The following CLEC2D variants were observed in gnomAD, a reference collection of about 807,000 sequenced individuals.
The protein encoded by CLEC2D is C-type lectin domain family 2 member D.
CLEC2D carries 16 observed loss-of-function variants against 20.0 expected under a neutral mutation model. That is an observed-to-expected ratio of 0.80 (90% confidence interval 0.54 to 1.22). The LOEUF is 1.22. CLEC2D is among the 50% of genes most tolerant of loss of function. CLEC2D has a pLI of 0.00. For missense variants in CLEC2D, 207 were observed against 221.5 expected, an observed-to-expected ratio of 0.93 and a Z score of 0.42; for synonymous variants, 77 against 71.1, an observed-to-expected ratio of 1.08 and a Z score of -0.42.
chr12:9,690,635 C>T (rs1323327460), intron 3 of CLEC2D, among the ~76,000 whole-genome samples: 2 of 151,792 alleles, frequency 1.3e-5, no homozygotes, highest in Non-Finnish European at 2.9e-5. Flanking sequence ...GGGATGAAGA[C>T]ATATAGGATC....
intron 1 of CLEC2D, among the ~76,000 whole-genome samples, chr12:9,678,625 G>A (rs1018567867): frequency 6.6e-6 from 1 of 152,062 alleles, no homozygotes; most frequent in African/African-American, 2.4e-5. Flanking sequence ...CTGTACCCTT[G>A]AAATCCTAGG....
intron 2 of CLEC2D, among the ~76,000 whole-genome samples, chr12:9,681,269 A>G (rs754362128): frequency 6.6e-6 from 1 of 152,294 alleles, no homozygotes; most frequent in African/African-American, 2.4e-5. Context: ...ACAGACCACT[A>G]TTCCTTAAGA....
chr12:9,697,246 C>T lies in CLEC2D; in HGVS notation c.*2372C>T, dbSNP rs1866017831. On this transcript the variant is annotated 3_prime_UTR_variant, in exon 5 of 5. Transcript: ENST00000290855. ...TTATGGGAATGAGGGCAAGGAACACCTGGCCTGCCCAGGGTGGAAAACCAC... is the reference window on the plus strand; with the variant it reads ...TTATGGGAATGAGGGCAAGGAACACTTGGCCTGCCCAGGGTGGAAAACCAC... 6.6e-6 allele frequency: 1 copy of T among 152,120 alleles called. No homozygotes were observed. The highest frequency in any genetic ancestry group is 2.4e-5 in the African/African-American group (1 of 41,414). 9.4% of individuals were successfully genotyped at this position (152,120 alleles called of 1,614,324 possible).
chr12:9,680,783 G>C (rs1267965853), intron 1 of CLEC2D, 140 bp from the exon 2 acceptor site: 13 of 541,550 alleles, frequency 2.4e-5, no homozygotes, highest in Non-Finnish European at 4.3e-5. Flanking sequence ...AGAATAGTAA[G>C]TTCATAAGAT....
chr12:9,693,485 T>C (rs1591704469), intron 4 of CLEC2D: 1 of 180,352 alleles, frequency 5.5e-6, no homozygotes, highest in African/African-American at 2.4e-5. Context: ...TCACTCAATG[T>C]TTGTCTGAGA....
intron 1 of CLEC2D, among the ~76,000 whole-genome samples, chr12:9,674,843 A>G (rs1004235085): frequency 3.3e-5 from 5 of 152,124 alleles, no homozygotes; most frequent in African/African-American, 9.7e-5. Context: ...TCTTTCTTTC[A>G]TGGATTGTGC....
chr12:9,689,912 G>A (rs1865828747), intron 3 of CLEC2D, among the ~76,000 whole-genome samples: 1 of 152,008 alleles, frequency 6.6e-6, no homozygotes, highest in African/African-American at 2.4e-5. Context: ...AGAAATCCAG[G>A]AAAGAGAAGA....
rs2217230 is a variant in CLEC2D at position 9,676,028 on chromosome 12, C to A, written c.62-4895C>A. ...TATCAGTAACCTTGCATGTCAGTTCCCAAAATTGTCAATTATTTTGGATTT... is the reference window on the plus strand; with the variant it reads ...TATCAGTAACCTTGCATGTCAGTTCACAAAATTGTCAATTATTTTGGATTT... On this transcript the variant is annotated intron_variant, in intron 1 of 4. Transcript: ENST00000290855. Among the ~76,000 whole-genome samples the A allele has an allele frequency of 4.0e-3, 612 of 152,260 alleles. 7 individuals are homozygous for A. The highest frequency in any genetic ancestry group is 0.013 in the African/African-American group (524 of 41,554).
chr12:9,686,051 A>C (rs746941490), intron 2 of CLEC2D, among the ~76,000 whole-genome samples: 1 of 152,012 alleles, frequency 6.6e-6, no homozygotes, highest in Non-Finnish European at 1.5e-5. Flanking sequence ...TATCTGGGCC[A>C]GATAGCACCT....
At chr12:9,670,539 T>G (rs1865396020) in intron 1 of CLEC2D, among the ~76,000 whole-genome samples, 1 of 152,224 alleles carries the variant, frequency 6.6e-6, no homozygotes. Flanking sequence ...TTTAAACTGT[T>G]TGTCGGATAG....
chr12:9,690,401 G>A (rs535434439), intron 3 of CLEC2D, among the ~76,000 whole-genome samples: 5 of 151,990 alleles, frequency 3.3e-5, no homozygotes, highest in Non-Finnish European at 5.9e-5. Context: ...ACACTAGACA[G>A]CAATTCAGAG....
At position 9,697,709 on chromosome 12, in the gene CLEC2D, T is replaced by C. The variant is rs1218339902; in HGVS notation, c.*2835T>C. The C allele has an allele frequency of 1.0e-5, 1 of 96,254 alleles. No homozygotes were observed. The highest frequency in any genetic ancestry group is 2.2e-5 in the Non-Finnish European group (1 of 46,208). The allele number at this position is 96,254 out of a possible 1,614,324, so 6.0% of individuals were successfully genotyped here. A position where few individuals can be genotyped will look rare whatever the true frequency, so the allele number is the denominator to read the frequency against. On this transcript the variant is annotated 3_prime_UTR_variant, in exon 5 of 5. Coordinates refer to ENST00000290855, the MANE Select transcript of CLEC2D (RefSeq NM_013269.6). ...AAAAAATGTTGCATGATCTCACTTA[T>C]AGTGAAACTTAAAAAAAAAACCCAA...
intron 2 of CLEC2D, among the ~76,000 whole-genome samples, chr12:9,682,940 T>G (rs1865665876): frequency 6.6e-6 from 1 of 152,226 alleles, no homozygotes; most frequent in Admixed American, 6.5e-5. Context: ...CCAAAATGGT[T>G]GAACTAATTT....
intron 3 of CLEC2D, among the ~76,000 whole-genome samples, chr12:9,690,551 A>G (rs1220088906): frequency 6.6e-6 from 1 of 152,082 alleles, no homozygotes; most frequent in Non-Finnish European, 1.5e-5. Context: ...TCATAGGCAA[A>G]TGAATAAAAA....
chr12:9,672,487 C>T (rs1354843306), intron 1 of CLEC2D, among the ~76,000 whole-genome samples: 2 of 152,186 alleles, frequency 1.3e-5, no homozygotes, highest in African/African-American at 4.8e-5. Context: ...TGACCTTTCT[C>T]CCTGGCTGCC....
intron 2 of CLEC2D, among the ~76,000 whole-genome samples, chr12:9,684,268 T>G (rs1487886824): frequency 1.3e-5 from 2 of 152,140 alleles, no homozygotes; most frequent in Non-Finnish European, 2.9e-5. Context: ...GCTTAATAAG[T>G]TTTAAGGGGA....
At position 9,692,831 on chromosome 12, in the gene CLEC2D, T is replaced by C. The variant is rs1230968603; in HGVS notation, c.361T>C (p.Phe121Leu). 1 of 1,604,218 alleles carries C rather than the reference T, an allele frequency of 6.2e-7. No individual in the cohort carries two copies. Among genetic ancestry groups the C allele is most frequent in the Non-Finnish European group, 8.5e-7 (1 of 1,175,172 alleles). Residue 121 changes from phenylalanine to leucine, a missense_variant, in exon 4 of 5, where the codon TTC (phenylalanine) becomes CTC (leucine). Transcript: ENST00000290855. ...TCATCTCTGTGTTTTCTGAAAGAAT[T>C]TCCTGTTGAGATATAAAGGCCCATC... ...AQVESFQELN[F>L]LLRYKGPSDH...
Position 9,696,543 on chromosome 12 carries a change from TAAAGTAAA to T in CLEC2D, c.*1673_*1680del, listed in dbSNP as rs1261568634. ...CGTGAAATAAAACTCAGTATTTTAA[TAAAGTAAA>T]AAAAAAAAAAAAGGTATGGGGAAAA... On this transcript the variant is annotated 3_prime_UTR_variant, in exon 5 of 5. Transcript: ENST00000290855. 54 of 119,512 alleles carry T rather than the reference TAAAGTAAA, an allele frequency of 4.5e-4. No individual in the cohort carries two copies. Among genetic ancestry groups the T allele is most frequent in the East Asian group, 1.1e-3 (10 of 9,276 alleles). The allele number at this position is 119,512 out of a possible 1,614,324, so 7.4% of individuals were successfully genotyped here.
chr12:9,695,327 C>A lies in CLEC2D; in HGVS notation c.*453C>A. The stretch of plus-strand genomic sequence containing the variant: ...CGTCCTGCGCGGCTGTTCTCTGGAG[C>A]AGCATTCATTTATCTTCGTCTGCCT... On this transcript the variant is annotated 3_prime_UTR_variant, in exon 5 of 5. Coordinates refer to ENST00000290855, the MANE Select transcript of CLEC2D (RefSeq NM_013269.6). 1.1e-6 allele frequency: 1 copy of A among 894,822 alleles called. No homozygotes were observed. Among genetic ancestry groups the A allele is most frequent in the Non-Finnish European group, 1.8e-6 (1 of 542,638 alleles). The allele number at this position is 894,822 out of a possible 1,614,324, so 55.4% of individuals were successfully genotyped here.
Sources: allele counts gnomAD v4.1 joint callset (sites outside exome capture counted in the v4.1 genomes callset), GRCh38; gene constraint gnomAD v4.1.1; transcripts MANE v1.5; gene names NCBI Gene and HGNC (gene_info 2026-07-23, HGNC 2026-07-21).